The following TSPAN8 variants were observed in gnomAD, a reference collection of about 807,000 sequenced individuals.
TSPAN8 encodes tetraspanin-8.
TSPAN8 carries 21 observed loss-of-function variants against 32.8 expected under a neutral mutation model. The observed-to-expected ratio is 0.64, with a 90% CI of 0.45 to 0.92. The LOEUF (loss-of-function observed/expected upper bound fraction) is 0.92, where lower values mean the gene tolerates loss of function less well. Ranked by LOEUF, TSPAN8 falls within the 40% of genes least tolerant of loss-of-function variation. TSPAN8 has a pLI of 0.00. For synonymous variants in TSPAN8, 95 were observed against 94.6 expected (o/e 1.00, Z -0.03); for missense variants, 269 against 281.9 (o/e 0.95, Z 0.33).
chr12:71,140,901 T>G (rs1464259799), intron 3 of TSPAN8, among the ~76,000 whole-genome samples: 1 of 152,162 alleles, frequency 6.6e-6, no homozygotes, highest in East Asian at 1.9e-4. Context: ...CCTCCCAGAA[T>G]GGGCTATATA....
chr12:71,128,467 C>T (rs1248387361), intron 8 of TSPAN8, among the ~76,000 whole-genome samples: 1 of 152,062 alleles, frequency 6.6e-6, no homozygotes, highest in Non-Finnish European at 1.5e-5. Flanking sequence ...AGGCATTAAC[C>T]AGGGAGACAC....
intron 6 of TSPAN8, among the ~76,000 whole-genome samples, chr12:71,133,645 A>G (rs1871589624): frequency 6.6e-6 from 1 of 152,172 alleles, no homozygotes; most frequent in East Asian, 1.9e-4. Flanking sequence ...TCTTTAAAAT[A>G]TGGGAGGGAA....
chr12:71,142,909 C>T (rs111571496), intron 3 of TSPAN8, among the ~76,000 whole-genome samples: 22 of 151,534 alleles, frequency 1.5e-4, no homozygotes, highest in African/African-American at 3.6e-4. Flanking sequence ...CCCACTGCAG[C>T]GAAGAAAACA....
intron 2 of TSPAN8, among the ~76,000 whole-genome samples, chr12:71,153,718 G>C (rs902691968): frequency 2.4e-4 from 37 of 152,310 alleles, no homozygotes; most frequent in African/African-American, 7.9e-4. Flanking sequence ...GCATAGACGG[G>C]AGAGTAGATA....
intron 7 of TSPAN8, among the ~76,000 whole-genome samples, chr12:71,131,887 A>C (rs548279302): frequency 6.6e-6 from 1 of 151,858 alleles, no homozygotes; most frequent in Admixed American, 6.6e-5. Context: ...AGACCATTGG[A>C]TTGAAGTTGC....
intron 3 of TSPAN8, among the ~76,000 whole-genome samples, chr12:71,142,055 T>C (rs1162622476): frequency 6.6e-6 from 1 of 152,238 alleles, no homozygotes; most frequent in Admixed American, 6.5e-5. Flanking sequence ...TTTATGCTCA[T>C]GTTTTTCCTT....
intron 6 of TSPAN8, 76 bp from the exon 7 acceptor site, chr12:71,132,900 T>G: frequency 6.7e-7 from 1 of 1,502,840 alleles, no homozygotes; most frequent in Non-Finnish European, 9.2e-7. Flanking sequence ...AATTATAATC[T>G]TCTGAAATCA....
chr12:71,135,931 G>A (rs2137050070), intron 6 of TSPAN8, among the ~76,000 whole-genome samples: 1 of 152,294 alleles, frequency 6.6e-6, no homozygotes, highest in Middle Eastern at 3.4e-3. Context: ...AAAGAAGAGA[G>A]TCAAAGGATG....
intron 2 of TSPAN8, among the ~76,000 whole-genome samples, chr12:71,146,904 A>G (rs2137057760): frequency 6.6e-6 from 1 of 152,296 alleles, no homozygotes; most frequent in South Asian, 2.1e-4. Context: ...ATTAAGATTA[A>G]ATGAGGTCAT....
At chr12:71,132,402 C>T (rs1456028835) in intron 7 of TSPAN8, among the ~76,000 whole-genome samples, 3 of 152,030 alleles carry the variant, frequency 2.0e-5, no homozygotes, top group Non-Finnish European at 2.9e-5. Flanking sequence ...TTAAGATGAC[C>T]AAAGAGAGGA....
rs187378419 is a variant in TSPAN8 at position 71,132,733 on chromosome 12, C to G, written c.536G>C (p.Arg179Thr). 67 of 1,613,918 alleles carry G rather than the reference C, an allele frequency of 4.2e-5. No individual in the cohort carries two copies. Among genetic ancestry groups the G allele is most frequent in the Non-Finnish European group, 5.3e-5 (63 of 1,179,948 alleles). The change falls in exon 7 of 9, where the codon AGA becomes ACA. Residue 179 changes from arginine to threonine, a missense_variant. Transcript: ENST00000247829. The stretch of plus-strand genomic sequence containing the variant: ...TTTTCCATTATAGCTTTGGCATGGT[C>G]TCTGCTTATCTAGACAGGCACATAA... Reference protein sequence around the residue: ...PELCACLDKQRPCQSYNGKQV... With the variant: ...PELCACLDKQTPCQSYNGKQV...
chr12:71,132,111 G>T (rs1871535312), intron 7 of TSPAN8, among the ~76,000 whole-genome samples: 1 of 152,132 alleles, frequency 6.6e-6, no homozygotes, highest in Admixed American at 6.6e-5. Context: ...ACACATAAAA[G>T]ATTAACCTAT....
chr12:71,139,624 G>A, intron 4 of TSPAN8, 87 bp downstream of exon 4: 3 of 1,483,342 alleles, frequency 2.0e-6, no homozygotes, highest in South Asian at 1.4e-5. Context: ...CATCAATCAT[G>A]GCACGTTCTT....
chr12:71,140,182 A>C (rs555455948), intron 3 of TSPAN8, among the ~76,000 whole-genome samples: 1 of 152,222 alleles, frequency 6.6e-6, no homozygotes, highest in Non-Finnish European at 1.5e-5. Context: ...TATAAAGTGC[A>C]TTATAAAAGC....
intron 8 of TSPAN8, among the ~76,000 whole-genome samples, chr12:71,126,306 C>G (rs1362112254): frequency 6.6e-6 from 1 of 152,150 alleles, no homozygotes; most frequent in Non-Finnish European, 1.5e-5. Flanking sequence ...CAATTCTCTG[C>G]AAAAGTAATA....
intron 6 of TSPAN8, among the ~76,000 whole-genome samples, chr12:71,134,794 T>G (rs1380752399): frequency 6.6e-6 from 1 of 152,178 alleles, no homozygotes; most frequent in Non-Finnish European, 1.5e-5. Context: ...TAGGGAGGCA[T>G]AAAGTCATAC....
At chr12:71,144,518 T>C (rs747381818) in intron 2 of TSPAN8, among the ~76,000 whole-genome samples, 8 of 152,174 alleles carry the variant, frequency 5.3e-5, no homozygotes, top group Non-Finnish European at 8.8e-5. Context: ...GTGTTTCTGC[T>C]AGATTTTAGC....
intron 7 of TSPAN8, among the ~76,000 whole-genome samples, chr12:71,130,524 A>G (rs1871488065): frequency 6.6e-6 from 1 of 152,172 alleles, no homozygotes; most frequent in South Asian, 2.1e-4. Flanking sequence ...TAATTGTGTT[A>G]TTTTTGTACT....
Position 71,157,716 on chromosome 12 carries a change from A to G in TSPAN8, c.-38T>C, listed in dbSNP as rs767064060. 6.5e-7 allele frequency: 1 copy of G among 1,540,374 alleles called. No individual in the cohort carries two copies. On this transcript the variant is annotated 5_prime_UTR_variant, in exon 2 of 9. An upstream open reading frame in the 5' UTR loses its in-frame stop. Coordinates refer to ENST00000247829, the MANE Select transcript of TSPAN8 (RefSeq NM_004616.3). ...TTAGGAATCCAGATGCCGTGAATTT[A>G]ACTATTCGTTACAGGCTTGTCCTGC...
Sources: allele counts gnomAD v4.1 joint callset (sites outside exome capture counted in the v4.1 genomes callset), GRCh38; gene constraint gnomAD v4.1.1; transcripts MANE v1.5; gene names NCBI Gene and HGNC (gene_info 2026-07-23, HGNC 2026-07-21).